The following CDH4 variants were observed in gnomAD, a reference collection of about 807,000 sequenced individuals.
The protein encoded by CDH4 is cadherin 4.
CDH4 carries 33 observed loss-of-function variants against 86.0 expected under a neutral mutation model. The ratio of observed to expected loss-of-function variants is 0.38; its 90% confidence interval spans 0.29 to 0.51. The LOEUF (loss-of-function observed/expected upper bound fraction) is 0.51, where lower values mean the gene tolerates loss of function less well. CDH4 is among the 20% of genes least tolerant of loss of function. CDH4 has a pLI of 0.86. For synonymous variants in CDH4, 555 were observed against 549.4 expected, an observed-to-expected ratio of 1.01 and a Z score of -0.14; for missense variants, 1,114 against 1,307.4, an observed-to-expected ratio of 0.85 and a Z score of 2.28.
intron 2 of CDH4, among the ~76,000 whole-genome samples, chr20:61,581,704 G>A (rs761312075): frequency 1.3e-5 from 2 of 152,168 alleles, no homozygotes; most frequent in African/African-American, 2.4e-5. Flanking sequence ...CCATCCCAAG[G>A]CCCCGACTGC....
chr20:61,404,494 C>T (rs1004753099), intron 2 of CDH4, among the ~76,000 whole-genome samples: 1 of 152,106 alleles, frequency 6.6e-6, no homozygotes, highest in Non-Finnish European at 1.5e-5. Flanking sequence ...TGGCTCCGGC[C>T]CGAGGCTTCG....
chr20:61,686,242 C>T (rs1296847184), intron 2 of CDH4, among the ~76,000 whole-genome samples: 1 of 152,256 alleles, frequency 6.6e-6, no homozygotes, highest in Non-Finnish European at 1.5e-5. Flanking sequence ...TTGCAGAGCT[C>T]TCTGCTAAGC....
At chr20:61,933,626 C>T (rs2055141222) in intron 14 of CDH4, among the ~76,000 whole-genome samples, 1 of 152,220 alleles carries the variant, frequency 6.6e-6, no homozygotes, top group South Asian at 2.1e-4. Flanking sequence ...ACAACACGAC[C>T]ATAACGAACG....
At position 61,837,451 on chromosome 20, in the gene CDH4, G is replaced by A. The variant is rs1031968169; in HGVS notation, c.577-7217G>A. Among the ~76,000 whole-genome samples, 7 of 152,286 alleles carry A rather than the reference G, an allele frequency of 4.6e-5. 1 individual carries two copies. Among genetic ancestry groups the A allele is most frequent in the South Asian group, 4.1e-4 (2 of 4,822 alleles). On this transcript the variant is annotated intron_variant, in intron 4 of 15. Coordinates refer to ENST00000614565, the MANE Select transcript of CDH4 (RefSeq NM_001794.5). The stretch of plus-strand genomic sequence containing the variant: ...GGTCATCACTTACTCGTGAACCTTC[G>A]TCACATCCCTCAGCTTCTCTGGGCC...
At chr20:61,470,864 C>T (rs903363474) in intron 2 of CDH4, among the ~76,000 whole-genome samples, 5 of 152,120 alleles carry the variant, frequency 3.3e-5, no homozygotes, top group African/African-American at 1.2e-4. Flanking sequence ...GTTGAACCAT[C>T]TTCGCATCCC....
chr20:61,655,933 A>G (rs2087182439), intron 2 of CDH4, among the ~76,000 whole-genome samples: 1 of 152,182 alleles, frequency 6.6e-6, no homozygotes, highest in Admixed American at 6.5e-5. Context: ...CGTGGTTCTG[A>G]ACATCACCTT....
At position 61,670,619 on chromosome 20, in the gene CDH4, G is replaced by A. The variant is rs545778840; in HGVS notation, c.170-72944G>A. On this transcript the variant is annotated intron_variant, in intron 2 of 15. Coordinates refer to ENST00000614565, the MANE Select transcript of CDH4 (RefSeq NM_001794.5). The stretch of plus-strand genomic sequence containing the variant: ...GCACTCTAGGAGGATGCTGGAAAAA[G>A]TGCAAAGCACTTGTTTTTGTATGGG... 5.9e-5 allele frequency among the ~76,000 whole-genome samples: 9 copies of A among 152,346 alleles called. No homozygotes were observed. In the South Asian group the frequency reaches 1.9e-3, roughly 32 times the overall value.
chr20:61,256,705 G>T (rs1463936582), intron 2 of CDH4, among the ~76,000 whole-genome samples: 1 of 152,194 alleles, frequency 6.6e-6, no homozygotes, highest in Admixed American at 6.5e-5. Context: ...ACTTACGTGT[G>T]CAGCCCAGCC....
At chr20:61,667,237 A>T (rs1421568426) in intron 2 of CDH4, among the ~76,000 whole-genome samples, 1 of 152,222 alleles carries the variant, frequency 6.6e-6, no homozygotes, top group East Asian at 1.9e-4. Flanking sequence ...GGTCTTGGGC[A>T]ACCAGGTATG....
At chr20:61,923,348 A>C in intron 9 of CDH4, 103 bp from the exon 10 acceptor site, 1 of 1,131,096 alleles carries the variant, frequency 8.8e-7, no homozygotes, top group Non-Finnish European at 1.3e-6. Flanking sequence ...AGAGCTGGAC[A>C]TGGCTCAGGG....
chr20:61,883,308 C>G (rs968285152), intron 7 of CDH4, among the ~76,000 whole-genome samples: 5 of 152,320 alleles, frequency 3.3e-5, no homozygotes, highest in East Asian at 1.9e-4. Context: ...TGATATGATA[C>G]TCTTTGCTAT....
intron 2 of CDH4, among the ~76,000 whole-genome samples, chr20:61,474,195 C>G (rs1041946267): frequency 9.1e-6 from 1 of 110,212 alleles, no homozygotes; most frequent in Non-Finnish European, 1.7e-5. Flanking sequence ...GAGTCTGACT[C>G]TGTTGCCCAG....
intron 2 of CDH4, among the ~76,000 whole-genome samples, chr20:61,741,457 C>T (rs975140076): frequency 2.0e-5 from 3 of 151,948 alleles, no homozygotes; most frequent in African/African-American, 7.3e-5. Context: ...AAAGCAGCTT[C>T]AATGCTTGCC....
At chr20:61,597,861 G>T (rs898461829) in intron 2 of CDH4, among the ~76,000 whole-genome samples, 2 of 152,312 alleles carry the variant, frequency 1.3e-5, no homozygotes, top group Admixed American at 1.3e-4. Flanking sequence ...GGCGTGGAGT[G>T]AGCCTCAGAG....
intron 4 of CDH4, among the ~76,000 whole-genome samples, chr20:61,832,154 C>T (rs919713687): frequency 1.3e-5 from 2 of 152,228 alleles, no homozygotes; most frequent in Non-Finnish European, 1.5e-5. Flanking sequence ...GGACATTTGA[C>T]GGAGCTGTCT....
chr20:61,632,994 C>G (rs1393895568), intron 2 of CDH4, among the ~76,000 whole-genome samples: 1 of 151,680 alleles, frequency 6.6e-6, no homozygotes, highest in Non-Finnish European at 1.5e-5. Flanking sequence ...TCCCATCCAT[C>G]TACCCATCCA....
chr20:61,476,398 T>G (rs917774232), intron 2 of CDH4, among the ~76,000 whole-genome samples: 1 of 152,234 alleles, frequency 6.6e-6, no homozygotes, highest in Non-Finnish European at 1.5e-5. Flanking sequence ...CGTGTGTGTG[T>G]TCTGAACATG....
chr20:61,787,777 G>A (rs1419023670), intron 4 of CDH4, among the ~76,000 whole-genome samples: 1 of 152,240 alleles, frequency 6.6e-6, no homozygotes, highest in East Asian at 1.9e-4. Flanking sequence ...ACTGAATGCA[G>A]TGGCAGAGAG....
intron 2 of CDH4, among the ~76,000 whole-genome samples, chr20:61,733,744 C>A (rs970169047): frequency 1.3e-5 from 2 of 152,304 alleles, no homozygotes; most frequent in African/African-American, 2.4e-5. Context: ...AAAGAAAGAG[C>A]AAGCTGGCAA....
Sources: allele counts gnomAD v4.1 joint callset (sites outside exome capture counted in the v4.1 genomes callset), GRCh38; gene constraint gnomAD v4.1.1; transcripts MANE v1.5; gene names NCBI Gene and HGNC (gene_info 2026-07-23, HGNC 2026-07-21).